CMTM7: variants seen among roughly 807,000 people sequenced by gnomAD.
CMTM7 encodes CKLF like MARVEL transmembrane domain containing 7, also known as CKLF-like MARVEL transmembrane domain-containing protein 7.
Under a neutral mutation model 19.3 loss-of-function variants are expected in CMTM7, and 7 were observed. The observed-to-expected ratio is 0.36, with a 90% CI of 0.21 to 0.68. The LOEUF is 0.68. Ranked by LOEUF, CMTM7 falls within the 30% of genes least tolerant of loss-of-function variation. The pLI, the probability that CMTM7 is intolerant of heterozygous loss-of-function variation, is 0.60. For missense variants in CMTM7, 193 were observed against 232.6 expected (o/e 0.83, Z 1.11); for synonymous variants, 87 against 99.3 (o/e 0.88, Z 0.74).
intron 1 of CMTM7, among the ~76,000 whole-genome samples, chr3:32,411,880 C>T (rs1332621677): frequency 1.3e-5 from 2 of 150,836 alleles, no homozygotes; most frequent in African/African-American, 4.9e-5. Flanking sequence ...GGAGTTCGAA[C>T]GAAGCTCCAG....
intron 1 of CMTM7, among the ~76,000 whole-genome samples, chr3:32,409,853 G>A (rs636006): frequency 0.42 from 63,992 of 152,044 alleles, 13,732 homozygotes; most frequent in South Asian, 0.47. Flanking sequence ...TTAATAGTTA[G>A]TAGTTCAAGT....
rs574130274 is a variant in CMTM7 at position 32,393,395 on chromosome 3, C to A, written c.159+1330C>A. Among the ~76,000 whole-genome samples, 9 of 152,282 alleles carry A rather than the reference C, an allele frequency of 5.9e-5. No homozygotes were observed. The East Asian group carries it at 1.7e-3, about 29-fold the overall frequency. On this transcript the variant is annotated intron_variant, in intron 1 of 4. Coordinates refer to ENST00000334983, the MANE Select transcript of CMTM7 (RefSeq NM_138410.4). Reference sequence around the variant, plus strand: ...GATTTGATCAGCCAAATAGAAGAGACCAGCCCATCTCACCATCCTTAAAAG... The same window carrying A: ...GATTTGATCAGCCAAATAGAAGAGAACAGCCCATCTCACCATCCTTAAAAG...
chr3:32,404,453 G>A (rs745487907), intron 1 of CMTM7, among the ~76,000 whole-genome samples: 14 of 152,236 alleles, frequency 9.2e-5, no homozygotes, highest in African/African-American at 2.6e-4. Flanking sequence ...GAGCCACCGC[G>A]CCCAGCCTGT....
chr3:32,445,785 C>T (rs960995932), intron 2 of CMTM7, among the ~76,000 whole-genome samples: 11 of 151,920 alleles, frequency 7.2e-5, no homozygotes, highest in Non-Finnish European at 5.9e-5. Context: ...GAAAGTGTGG[C>T]GATTACAGGC....
intron 2 of CMTM7, among the ~76,000 whole-genome samples, chr3:32,443,073 A>G (rs1378892114): frequency 6.6e-6 from 1 of 152,018 alleles, no homozygotes; most frequent in Non-Finnish European, 1.5e-5. Context: ...TGGTTCATCC[A>G]TGTTGTAGCA....
At chr3:32,445,781 G>A (rs189847443) in intron 2 of CMTM7, among the ~76,000 whole-genome samples, 16 of 152,232 alleles carry the variant, frequency 1.1e-4, no homozygotes, top group Admixed American at 8.5e-4. Context: ...CTCTGAAAGT[G>A]TGGCGATTAC....
chr3:32,425,294 GGCT>G (rs762920185), intron 1 of CMTM7, among the ~76,000 whole-genome samples: 25 of 152,208 alleles, frequency 1.6e-4, no homozygotes, highest in Non-Finnish European at 2.8e-4. Context: ...TCTCAGCAAG[GGCT>G]GTAGATCCTG....
At chr3:32,432,330 T>A (rs347150) in intron 1 of CMTM7, among the ~76,000 whole-genome samples, 92,643 of 152,040 alleles carry the variant, frequency 0.61, 28,677 homozygotes, top group Non-Finnish European at 0.66. Context: ...TGGCCTTCCA[T>A]ACCTTCTGCC....
intron 1 of CMTM7, among the ~76,000 whole-genome samples, chr3:32,441,517 A>C (rs1696675100): frequency 1.3e-5 from 2 of 152,202 alleles, no homozygotes; most frequent in Non-Finnish European, 2.9e-5. Flanking sequence ...AGCAGATGAA[A>C]GGGATGGTTC....
At chr3:32,427,724 G>C (rs940343155) in intron 1 of CMTM7, among the ~76,000 whole-genome samples, 4 of 152,252 alleles carry the variant, frequency 2.6e-5, no homozygotes, top group Admixed American at 6.5e-5. Context: ...TTGGCAGGGG[G>C]CAGATTAAAG....
intron 1 of CMTM7, among the ~76,000 whole-genome samples, chr3:32,435,298 G>A (rs895965462): frequency 2.0e-5 from 3 of 152,200 alleles, no homozygotes; most frequent in African/African-American, 7.2e-5. Flanking sequence ...CAGCTACACG[G>A]GAGGCTGAGG....
At position 32,406,965 on chromosome 3, in the gene CMTM7, A is replaced by C. The variant is rs79399576; in HGVS notation, c.159+14900A>C. Among the ~76,000 whole-genome samples, 525 of 152,312 alleles carry C rather than the reference A, an allele frequency of 3.4e-3. 2 individuals carry two copies. Among genetic ancestry groups the C allele is most frequent in the African/African-American group, 0.012 (498 of 41,572 alleles). ...CAGACAGCTCTAGTTGTCCAAGGGA[A>C]ATCACTAGCAGAAGGCTGCAAGCAT... On this transcript the variant is annotated intron_variant, in intron 1 of 4. Transcript: ENST00000334983.
chr3:32,428,366 C>G (rs540669970), intron 1 of CMTM7, among the ~76,000 whole-genome samples: 2 of 152,320 alleles, frequency 1.3e-5, no homozygotes, highest in African/African-American at 4.8e-5. Flanking sequence ...ATTTCCTCAT[C>G]TCAATACTAA....
At position 32,449,658 on chromosome 3, in the gene CMTM7, TAG is replaced by T. The variant is rs1696801925; in HGVS notation, c.432+108_432+109del. The T allele has an allele frequency of 2.4e-6, 2 of 838,464 alleles. No homozygotes were observed. The highest frequency in any genetic ancestry group is 3.4e-5 in the African/African-American group (2 of 59,594). The allele number at this position is 838,464 out of a possible 1,614,324, so 51.9% of individuals were successfully genotyped here. A position where few individuals can be genotyped will look rare whatever the true frequency, so the allele number is the denominator to read the frequency against. ...CTTGGTTTCTGGGGCATTCCCTTCA[TAG>T]AATCAATACCTACCTTGATCCAGCC... is the stretch of plus-strand genomic sequence containing the variant. On this transcript the variant is annotated intron_variant, in intron 3 of 4. Transcript: ENST00000334983. The surrounding 1 kb of genome is among the most constrained non-coding windows in gnomAD (Gnocchi z 4.5).
In CMTM7 at chr3:32,403,766, C is replaced by G. The variant is rs191846348; in HGVS notation, c.159+11701C>G. Among the ~76,000 whole-genome samples, 256 of 152,258 alleles carry G rather than the reference C, an allele frequency of 1.7e-3. 1 individual carries two copies. Among genetic ancestry groups the G allele is most frequent in the African/African-American group, 5.8e-3 (242 of 41,540 alleles). ...AACACTGAAAATGATGTTGTGATCA[C>G]TGCATTCAGTCCATTATTTGGTCGT... On this transcript the variant is annotated intron_variant, in intron 1 of 4. Transcript: ENST00000334983.
intron 1 of CMTM7, among the ~76,000 whole-genome samples, chr3:32,422,763 A>G (rs1272343480): frequency 6.6e-6 from 1 of 152,222 alleles, no homozygotes; most frequent in Non-Finnish European, 1.5e-5. Flanking sequence ...TCAAAAACGC[A>G]TTTAATACCC....
chr3:32,449,479 C>T lies in CMTM7; in HGVS notation c.359C>T (p.Thr120Ile). 1 of 1,614,094 alleles carries T rather than the reference C, an allele frequency of 6.2e-7. No homozygotes were observed. ...LSELLHYLIG[T>I]LLLLIASIVA... ...GAACTTCTGCACTATTTAATCGGTA[C>T]CCTGCTCCTCCTCATCGCCTCCATT... The change falls in exon 3 of 5, where the codon ACC (threonine) becomes ATC (isoleucine). Residue 120 changes from threonine to isoleucine, a missense_variant. Physicochemically the swap from Thr to Ile is moderately conservative, Grantham distance 89. Coordinates refer to ENST00000334983, the MANE Select transcript of CMTM7 (RefSeq NM_138410.4). This position sits in a 1 kb window ranked among gnomAD's most constrained non-coding sequence, Gnocchi z 4.5.
chr3:32,406,743 G>A (rs777023060), intron 1 of CMTM7, among the ~76,000 whole-genome samples: 7 of 152,188 alleles, frequency 4.6e-5, no homozygotes, highest in African/African-American at 1.7e-4. Flanking sequence ...AGCGAGGAAA[G>A]TAAGCAAGGG....
chr3:32,405,059 G>A lies in CMTM7; in HGVS notation c.159+12994G>A, dbSNP rs185882116. 2.0e-3 allele frequency among the ~76,000 whole-genome samples: 303 copies of A among 152,320 alleles called. 2 individuals carry two copies. Among genetic ancestry groups the A allele is most frequent in the Non-Finnish European group, 7.2e-4 (49 of 68,032 alleles). On this transcript the variant is annotated intron_variant, in intron 1 of 4. Transcript: ENST00000334983. ...CTAGAAGCCAGAGCAGCCCTCAGCT[G>A]ACAGCCAGCAAGAAAACGGGCCTTC...
Sources: allele counts gnomAD v4.1 joint callset (sites outside exome capture counted in the v4.1 genomes callset), GRCh38; gene constraint gnomAD v4.1.1; non-coding constraint Gnocchi (gnomAD v3.1); transcripts MANE v1.5; gene names NCBI Gene and HGNC (gene_info 2026-07-23, HGNC 2026-07-21).